RILPL1: variants seen among roughly 807,000 people sequenced by gnomAD.
RILPL1 encodes RILP-like protein 1.
A neutral mutation model predicts 50.3 loss-of-function variants in RILPL1; 33 were observed. The ratio of observed to expected loss-of-function variants is 0.66; its 90% CI spans 0.50 to 0.88. RILPL1 has a LOEUF of 0.88. RILPL1 is among the 40% of genes least tolerant of loss of function. The probability of loss-of-function intolerance (pLI) is 0.00; values close to 1 mark genes in which losing one functional copy is unlikely to be tolerated. For missense variants in RILPL1, 418 were observed against 542.5 expected, an observed-to-expected ratio of 0.77 and a Z score of 2.28; for synonymous variants, 205 against 228.6, an observed-to-expected ratio of 0.90 and a Z score of 0.93.
At chr12:123,513,288 C>T (rs2139369852) in intron 2 of RILPL1, 2 of 310,730 alleles carry the variant, frequency 6.4e-6, no homozygotes, top group East Asian at 1.0e-4. Flanking sequence ...CAAACTCCTC[C>T]CGACCCCCCG....
intron 5 of RILPL1, chr12:123,484,808 A>C: frequency 3.9e-6 from 1 of 257,670 alleles, no homozygotes; most frequent in Non-Finnish European, 7.8e-6. Context: ...AGGGTGAGCC[A>C]CCATACCTGG....
rs939617874 is a variant in RILPL1, at chr12:123,475,937, T to C, written c.1068-3255A>G. 1.7e-5 allele frequency: 9 copies of C among 518,048 alleles called. 1 individual carries two copies. The highest frequency in any genetic ancestry group is 3.1e-5 in the Non-Finnish European group (9 of 291,630). The allele number at this position is 518,048 out of a possible 1,614,324, so 32.1% of individuals were successfully genotyped here. ...TTTTTTTTTTGAGACAGAGTCTCACTGTCTCGTCCAGGCTGGAGTGCGGTG... is the reference window on the plus strand; with the variant it reads ...TTTTTTTTTTGAGACAGAGTCTCACCGTCTCGTCCAGGCTGGAGTGCGGTG... On this transcript the variant is annotated intron_variant, in intron 6 of 6. Transcript: ENST00000376874.
At chr12:123,497,834 G>A (rs1883124856) in intron 4 of RILPL1, among the ~76,000 whole-genome samples, 4 of 152,196 alleles carry the variant, frequency 2.6e-5, no homozygotes, top group Admixed American at 2.6e-4. Context: ...GATTACAAGT[G>A]CAGGTGACCA....
At chr12:123,475,491 G>A (rs566301721) in intron 6 of RILPL1, 164 of 608,438 alleles carry the variant, frequency 2.7e-4, no homozygotes, top group South Asian at 3.9e-4. Context: ...TAGACCGAGC[G>A]CAGCCAGTGG....
At chr12:123,511,586 T>C (rs1884213223) in intron 2 of RILPL1, among the ~76,000 whole-genome samples, 1 of 135,118 alleles carries the variant, frequency 7.4e-6, no homozygotes, top group Non-Finnish European at 1.6e-5. Context: ...CTGTGGGTGG[T>C]GTGAGGTCTG....
chr12:123,475,503 A>G, intron 6 of RILPL1: 1 of 626,346 alleles, frequency 1.6e-6, no homozygotes, highest in South Asian at 1.8e-5. Context: ...AGCCAGTGGC[A>G]CAGCTGAAAT....
intron 2 of RILPL1, among the ~76,000 whole-genome samples, chr12:123,507,541 GT>G (rs67002233): frequency 1 from 150,117 of 150,444 alleles, 74,896 homozygotes; most frequent in Middle Eastern, 1. Context: ...TCCAGCCTGG[GT>G]TGACAGAATG....
chr12:123,528,721 C>A (rs962081182), intron 1 of RILPL1, among the ~76,000 whole-genome samples: 1 of 152,074 alleles, frequency 6.6e-6, no homozygotes, highest in Admixed American at 6.6e-5. Context: ...CCACCGCGCC[C>A]GACCAGTTTG....
In RILPL1 at chr12:123,498,981, A is replaced by G. The variant is rs1883199923; in HGVS notation, c.580-216T>C. Among the ~76,000 whole-genome samples the G allele has an allele frequency of 6.6e-6, 1 of 152,212 alleles. No individual in the cohort carries two copies. The highest frequency in any genetic ancestry group is 2.4e-5 in the African/African-American group (1 of 41,458). On this transcript the variant is annotated intron_variant, in intron 3 of 6. Coordinates refer to ENST00000376874, the MANE Select transcript of RILPL1 (RefSeq NM_178314.5). This position sits in a 1 kb window ranked among gnomAD's most constrained non-coding sequence, Gnocchi z 4.3. ...GCAGATGGAAGGGTGTCTTGCTAGA[A>G]TTAATACATTATGAAAATTTCCCAA...
rs1253631823 is a variant in RILPL1, at chr12:123,498,211, C to T, written c.801+333G>A. ...TCTCTCTGAGCCTCTCGTTTTTTCT[C>T]TCTCTCTCTCTCTCTTTTTTTTTTA... On this transcript the variant is annotated intron_variant, in intron 4 of 6. Coordinates refer to ENST00000376874, the MANE Select transcript of RILPL1 (RefSeq NM_178314.5). The surrounding 1 kb of genome is among the most constrained non-coding windows in gnomAD (Gnocchi z 4.3). Among the ~76,000 whole-genome samples, 1 of 151,620 alleles carries T rather than the reference C, an allele frequency of 6.6e-6. No homozygotes were observed. Among genetic ancestry groups the T allele is most frequent in the Admixed American group, 6.6e-5 (1 of 15,184 alleles).
chr12:123,516,505 C>T (rs1884703988), intron 2 of RILPL1, among the ~76,000 whole-genome samples: 1 of 152,250 alleles, frequency 6.6e-6, no homozygotes, highest in African/African-American at 2.4e-5. Context: ...GTCCTGCTTC[C>T]TCCACTCCCT....
At chr12:123,508,317 T>C (rs1883882168) in intron 2 of RILPL1, among the ~76,000 whole-genome samples, 1 of 151,806 alleles carries the variant, frequency 6.6e-6, no homozygotes, top group Non-Finnish European at 1.5e-5. Flanking sequence ...TCACCTGAGT[T>C]AGGGAGTTCG....
Position 123,533,489 on chromosome 12 carries a change from C to T in RILPL1, c.-7G>A, listed in dbSNP as rs1423952979. 1.1e-5 allele frequency: 16 copies of T among 1,504,942 alleles called. No homozygotes were observed. The highest frequency in any genetic ancestry group is 2.0e-5 in the Admixed American group (1 of 49,910). The allele number at this position is 1,504,942 out of a possible 1,614,324, so 93.2% of individuals were successfully genotyped here. The stretch of plus-strand genomic sequence containing the variant: ...ACCCCCGCTCCTCCTCCATGGCCAC[C>T]CTCCTGGCCTGTCCCCCGCCCCGCA... On this transcript the variant is annotated 5_prime_UTR_variant, in exon 1 of 7. Coordinates refer to ENST00000376874, the MANE Select transcript of RILPL1 (RefSeq NM_178314.5). This position sits in a 1 kb window ranked among gnomAD's most constrained non-coding sequence, Gnocchi z 6.2.
At chr12:123,531,171 G>A (rs1342051592) in intron 1 of RILPL1, among the ~76,000 whole-genome samples, 2 of 151,862 alleles carry the variant, frequency 1.3e-5, no homozygotes, top group Non-Finnish European at 2.9e-5. Context: ...TGAAGTAAAC[G>A]GGTCTGGGGC....
chr12:123,524,907 G>A lies in RILPL1; in HGVS notation c.310-1262C>T, dbSNP rs146911530. Among the ~76,000 whole-genome samples, 396 of 152,156 alleles carry A rather than the reference G, an allele frequency of 2.6e-3. 5 individuals carry two copies. The highest frequency in any genetic ancestry group is 9.2e-3 in the African/African-American group (383 of 41,496). On this transcript the variant is annotated intron_variant, in intron 1 of 6. Transcript: ENST00000376874. ...CAGCACTTGGGAGGCCAAGGCAGGCGGATCACTTGAGGTCAGAAGTCCATG... is the reference window on the plus strand; with the variant it reads ...CAGCACTTGGGAGGCCAAGGCAGGCAGATCACTTGAGGTCAGAAGTCCATG...
chr12:123,521,581 A>ATG lies in RILPL1; in HGVS notation c.460+1912_460+1913dup, dbSNP rs1193695254. ...TATATATTAATATATATACACACATATGTGTATATATATATTAATATATAT... is the reference window on the plus strand; with the variant it reads ...TATATATTAATATATATACACACATATGTGTGTATATATATATTAATATATAT... On this transcript the variant is annotated intron_variant, in intron 2 of 6. Coordinates refer to ENST00000376874, the MANE Select transcript of RILPL1 (RefSeq NM_178314.5). Among the ~76,000 whole-genome samples the ATG allele has an allele frequency of 4.8e-4, 6 of 12,440 alleles. No homozygotes were observed. In the Admixed American group the frequency reaches 9.7e-3, roughly 20 times the overall value. The allele number at this position is 12,440 out of a possible 152,430, so 8.2% of individuals were successfully genotyped here. A position where few individuals can be genotyped will look rare whatever the true frequency, so the allele number is the denominator to read the frequency against.
intron 6 of RILPL1, chr12:123,475,624 G>T: frequency 2.2e-6 from 3 of 1,335,834 alleles, no homozygotes; most frequent in Non-Finnish European, 3.1e-6. Context: ...ATTCCAAGGG[G>T]GCAGCTCAAA....
rs557024268 is a variant in RILPL1 at position 123,471,101 on chromosome 12, C to T, written c.*1437G>A. The T allele has an allele frequency of 4.7e-5, 7 of 147,622 alleles. No homozygotes were observed. The East Asian group carries it at 1.2e-3, about 25-fold the overall frequency. 9.1% of individuals were successfully genotyped at this position (147,622 alleles called of 1,614,324 possible). Reference sequence around the variant, plus strand: ...TTTTTTTTTTTTTTAGATGAAGTCTCACTCTGTCGCCCAGGCTGGAGTGCA... The same window carrying T: ...TTTTTTTTTTTTTTAGATGAAGTCTTACTCTGTCGCCCAGGCTGGAGTGCA... On this transcript the variant is annotated 3_prime_UTR_variant, in exon 7 of 7. Coordinates refer to ENST00000376874, the MANE Select transcript of RILPL1 (RefSeq NM_178314.5).
rs1475284195 is a variant in RILPL1 at position 123,489,211 on chromosome 12, A to G, written c.802-3406T>C. On this transcript the variant is annotated intron_variant, in intron 4 of 6. Transcript: ENST00000376874. This position sits in a 1 kb window ranked among gnomAD's most constrained non-coding sequence, Gnocchi z 4.0. ...AACAGAGTCAGACAGATGGGGCTGA[A>G]GAGAAGATACACATAAATAGAAGCT... Among the ~76,000 whole-genome samples, 2 of 152,170 alleles carry G rather than the reference A, an allele frequency of 1.3e-5. No individual in the cohort carries two copies. Among genetic ancestry groups the G allele is most frequent in the Non-Finnish European group, 2.9e-5 (2 of 68,026 alleles).
Sources: gnomAD v4.1 joint callset for allele counts (sites outside exome capture counted in the v4.1 genomes callset) on GRCh38, gnomAD v4.1.1 for gene constraint, Gnocchi (gnomAD v3.1) non-coding constraint, MANE v1.5 for transcripts, NCBI Gene and HGNC (gene_info 2026-07-23, HGNC 2026-07-21) for gene names.